BCAS3: variants seen among roughly 807,000 people sequenced by gnomAD.
BCAS3 encodes the protein BCAS4/BCAS3 fusion.
BCAS3 carries 53 observed loss-of-function variants against 116.1 expected under a neutral mutation model. The observed-to-expected ratio is 0.46, with a 90% CI of 0.37 to 0.57. BCAS3 has a LOEUF of 0.57. BCAS3 is among the 20% of genes least tolerant of loss of function. The pLI, the probability that BCAS3 is intolerant of heterozygous loss-of-function variation, is 0.00. For synonymous variants in BCAS3, 391 were observed against 408.2 expected, an observed-to-expected ratio of 0.96 and a Z score of 0.51; for missense variants, 917 against 1,165.4, an observed-to-expected ratio of 0.79 and a Z score of 3.10.
rs920088017 is a variant in BCAS3, at chr17:61,161,352, T to C, written c.2425+76788T>C. Among the ~76,000 whole-genome samples, 10 of 152,174 alleles carry C rather than the reference T, an allele frequency of 6.6e-5. No individual in the cohort carries two copies. Among genetic ancestry groups the C allele is most frequent in the South Asian group, 2.1e-4 (1 of 4,830 alleles). On this transcript the variant is annotated intron_variant, in intron 22 of 23. Coordinates refer to ENST00000407086, the MANE Select transcript of BCAS3 (RefSeq NM_017679.5). The surrounding 1 kb of genome is among the most constrained non-coding windows in gnomAD (Gnocchi z 4.8). ...TGTTAAAGAGGTATTCTGGTTACAT[T>C]TGGAATTTAGAAAAGGCCTGGGATG...
intron 22 of BCAS3, among the ~76,000 whole-genome samples, chr17:61,116,830 G>T (rs887557221): frequency 2.0e-5 from 3 of 152,140 alleles, no homozygotes; most frequent in Non-Finnish European, 4.4e-5. Context: ...TTGAGCCTCC[G>T]TGTTTTCTGA....
chr17:61,005,462 T>C (rs181175362), intron 15 of BCAS3, among the ~76,000 whole-genome samples: 1 of 152,214 alleles, frequency 6.6e-6, no homozygotes, highest in Non-Finnish European at 1.5e-5. Flanking sequence ...TTATCTGCCC[T>C]GTTGTCAAAA....
Position 60,706,551 on chromosome 17 carries a change from T to C in BCAS3, c.215-2668T>C, listed in dbSNP as rs544483980. ...TGGGTGAGTCAAAAGTTATACATGG[T>C]GGCTCATGCCTTTATTCCCTCCCAG... is the stretch of plus-strand genomic sequence containing the variant. On this transcript the variant is annotated intron_variant, in intron 4 of 23. Coordinates refer to ENST00000407086, the MANE Select transcript of BCAS3 (RefSeq NM_017679.5). Among the ~76,000 whole-genome samples, 9 of 152,280 alleles carry C rather than the reference T, an allele frequency of 5.9e-5. No individual in the cohort carries two copies. In the South Asian group the frequency reaches 6.2e-4, roughly 11 times the overall value.
chr17:60,945,740 G>A (rs948290797), intron 13 of BCAS3, among the ~76,000 whole-genome samples: 2 of 151,926 alleles, frequency 1.3e-5, no homozygotes, highest in African/African-American at 4.8e-5. Context: ...AGTGGAGGTT[G>A]CAGTGAGCCA....
At chr17:60,992,255 CTG>C (rs2063576652) in intron 15 of BCAS3, among the ~76,000 whole-genome samples, 1 of 149,544 alleles carries the variant, frequency 6.7e-6, no homozygotes. Flanking sequence ...TAAAGATAGA[CTG>C]AAAAAATATA....
chr17:61,311,175 C>A (rs1337709101), intron 22 of BCAS3, among the ~76,000 whole-genome samples: 2 of 152,182 alleles, frequency 1.3e-5, no homozygotes, highest in Non-Finnish European at 2.9e-5. Flanking sequence ...ACTATTTTCA[C>A]ATATCTTATG....
intron 7 of BCAS3, among the ~76,000 whole-genome samples, chr17:60,853,499 G>T (rs1437635971): frequency 6.6e-6 from 1 of 152,140 alleles, no homozygotes; most frequent in Admixed American, 6.5e-5. Context: ...TTTATTGACT[G>T]CCATTCAAAA....
intron 6 of BCAS3, among the ~76,000 whole-genome samples, chr17:60,757,432 G>GTT (rs1248192628): frequency 6.6e-6 from 1 of 151,224 alleles, no homozygotes; most frequent in Non-Finnish European, 1.5e-5. Flanking sequence ...GTGTGTGTGT[G>GTT]TGTGTTTTCT....
chr17:60,765,939 C>A (rs1157929491), intron 6 of BCAS3, among the ~76,000 whole-genome samples: 1 of 152,088 alleles, frequency 6.6e-6, no homozygotes. Context: ...TTAATTTGAT[C>A]TTCAATCACT....
At chr17:60,718,947 A>T (rs1187287517) in intron 5 of BCAS3, among the ~76,000 whole-genome samples, 30 of 152,266 alleles carry the variant, frequency 2.0e-4, no homozygotes. Flanking sequence ...CTGTAGTCCC[A>T]GCTACTTGGG....
chr17:61,139,176 T>A lies in BCAS3; in HGVS notation c.2425+54612T>A, dbSNP rs2076794279. On this transcript the variant is annotated intron_variant, in intron 22 of 23. Coordinates refer to ENST00000407086, the MANE Select transcript of BCAS3 (RefSeq NM_017679.5). This position sits in a 1 kb window ranked among gnomAD's most constrained non-coding sequence, Gnocchi z 4.7. ...ATTGCTAGTGATAGAAGTTCTGAAT[T>A]ACGGATACATTCTTAGGCTTAAAGA... Among the ~76,000 whole-genome samples the A allele has an allele frequency of 6.6e-6, 1 of 152,238 alleles. No individual in the cohort carries two copies. The highest frequency in any genetic ancestry group is 1.5e-5 in the Non-Finnish European group (1 of 68,042).
chr17:60,770,400 C>CTTTTTTTT (rs35691381), intron 6 of BCAS3, among the ~76,000 whole-genome samples: 2 of 76,904 alleles, frequency 2.6e-5, no homozygotes, highest in Non-Finnish European at 5.9e-5. Context: ...AGTGTTCCCT[C>CTTTTTTTT]TTTTTTTTTT....
At chr17:60,979,619 A>G (rs2062657495) in intron 14 of BCAS3, among the ~76,000 whole-genome samples, 1 of 148,362 alleles carries the variant, frequency 6.7e-6, no homozygotes, top group African/African-American at 2.5e-5. Context: ...TCAGTATGAT[A>G]TTGGCTGTGG....
intron 7 of BCAS3, among the ~76,000 whole-genome samples, chr17:60,819,418 A>G (rs924187181): frequency 3.3e-5 from 5 of 152,202 alleles, no homozygotes; most frequent in Admixed American, 6.5e-5. Context: ...TAAACTATGG[A>G]CACATCTAAA....
intron 6 of BCAS3, among the ~76,000 whole-genome samples, chr17:60,767,635 C>G (rs1330223677): frequency 6.6e-6 from 1 of 152,082 alleles, no homozygotes; most frequent in African/African-American, 2.4e-5. Context: ...ATGTGAGCCA[C>G]TGTGCCCAGC....
rs1331954961 is a variant in BCAS3, at chr17:61,008,657, CTTTGCTCTTCTGT to C, written c.1487-7093_1487-7081del. 6.6e-6 allele frequency among the ~76,000 whole-genome samples: 1 copy of C among 151,482 alleles called. No homozygotes were observed. The highest frequency in any genetic ancestry group is 1.5e-5 in the Non-Finnish European group (1 of 67,866). On this transcript the variant is annotated intron_variant, in intron 15 of 23. Coordinates refer to ENST00000407086, the MANE Select transcript of BCAS3 (RefSeq NM_017679.5). This position sits in a 1 kb window ranked among gnomAD's most constrained non-coding sequence, Gnocchi z 4.6. ...CAAGATATTAAAAACAGTCCAAAAGCTTTGCTCTTCTGTAGAAGACAAAAGTTTACCAAAAAAT... is the reference window on the plus strand; with the variant it reads ...CAAGATATTAAAAACAGTCCAAAAGCAGAAGACAAAAGTTTACCAAAAAAT...
chr17:61,245,543 T>C (rs1249470936), intron 22 of BCAS3, among the ~76,000 whole-genome samples: 1 of 151,894 alleles, frequency 6.6e-6, no homozygotes, highest in Non-Finnish European at 1.5e-5. Flanking sequence ...AAGCAAATAT[T>C]ATTGAGCTGT....
rs934761252 is a variant in BCAS3, at chr17:61,128,460, T to A, written c.2425+43896T>A. ...GCTCAACAGAGTAATAATAATAGATTTGGAGAATGTTCTGTGTTTTCAAAG... is the reference window on the plus strand; with the variant it reads ...GCTCAACAGAGTAATAATAATAGATATGGAGAATGTTCTGTGTTTTCAAAG... On this transcript the variant is annotated intron_variant, in intron 22 of 23. Coordinates refer to ENST00000407086, the MANE Select transcript of BCAS3 (RefSeq NM_017679.5). This position sits in a 1 kb window ranked among gnomAD's most constrained non-coding sequence, Gnocchi z 4.1. 2.0e-6 allele frequency: 2 copies of A among 985,272 alleles called. No individual in the cohort carries two copies. Among genetic ancestry groups the A allele is most frequent in the African/African-American group, 3.5e-5 (2 of 57,210 alleles). 61.0% of individuals were successfully genotyped at this position (985,272 alleles called of 1,614,324 possible). A position where few individuals can be genotyped will look rare whatever the true frequency, so the allele number is the denominator to read the frequency against.
Position 61,285,796 on chromosome 17 carries a change from G to T in BCAS3, c.2426-82531G>T, listed in dbSNP as rs2051715046. Among the ~76,000 whole-genome samples, 1 of 152,200 alleles carries T rather than the reference G, an allele frequency of 6.6e-6. No individual in the cohort carries two copies. The highest frequency in any genetic ancestry group is 1.5e-5 in the Non-Finnish European group (1 of 68,036). ...TCTGCAGTTTCCCAAAGGTAAAGGA[G>T]CCTGCAGCTGAGCCTCGAGTTTCTC... On this transcript the variant is annotated intron_variant, in intron 22 of 23. Coordinates refer to ENST00000407086, the MANE Select transcript of BCAS3 (RefSeq NM_017679.5). The surrounding 1 kb of genome is among the most constrained non-coding windows in gnomAD (Gnocchi z 5.4).
Sources: allele counts gnomAD v4.1 joint callset (sites outside exome capture counted in the v4.1 genomes callset), GRCh38; gene constraint gnomAD v4.1.1; non-coding constraint Gnocchi (gnomAD v3.1); transcripts MANE v1.5; gene names NCBI Gene and HGNC (gene_info 2026-07-23, HGNC 2026-07-21).